HS6ST2: variants seen among roughly 807,000 people sequenced by gnomAD.
HS6ST2 encodes heparan-sulfate 6-O-sulfotransferase 2.
A neutral mutation model predicts 33.0 loss-of-function variants in HS6ST2; 17 were observed. The ratio of observed to expected loss-of-function variants is 0.52; its 90% confidence interval spans 0.35 to 0.77. The LOEUF is 0.77. Among genes scored for constraint, HS6ST2 ranks in the 30% least tolerant of loss-of-function variants. HS6ST2 has a pLI of 0.01. For synonymous variants in HS6ST2, 248 were observed against 237.1 expected, an observed-to-expected ratio of 1.05 and a Z score of -0.42; for missense variants, 519 against 551.7, an observed-to-expected ratio of 0.94 and a Z score of 0.59.
chrX:132,655,997 C>T (rs950779211), intron 4 of HS6ST2, among the ~76,000 whole-genome samples: 2 of 111,409 alleles, frequency 1.8e-5, no homozygotes, highest in Non-Finnish European at 3.8e-5. Flanking sequence ...GGTTTCATTA[C>T]AGCCTAGCAC....
rs778212829 is a variant in HS6ST2 at position 132,791,516 on chromosome X, T to C, written c.948-83022A>G. Among the ~76,000 whole-genome samples the C allele has an allele frequency of 4.5e-5, 5 of 112,227 alleles. No homozygotes were observed. The Middle Eastern group carries it at 0.018, about 414-fold the overall frequency. On this transcript the variant is annotated intron_variant, in intron 2 of 4. Transcript: ENST00000370833. ...AAAAGATATCTATGTCCATCAACAATGGTTAGAAATCACTATCCAATTTAT... is the reference window on the plus strand; with the variant it reads ...AAAAGATATCTATGTCCATCAACAACGGTTAGAAATCACTATCCAATTTAT...
intron 2 of HS6ST2, among the ~76,000 whole-genome samples, chrX:132,766,697 T>C (rs2064851083): frequency 8.9e-6 from 1 of 111,850 alleles, no homozygotes; most frequent in Non-Finnish European, 1.9e-5. Context: ...TGGTTGCATT[T>C]TCATACCACC....
At position 132,697,284 on chromosome X, in the gene HS6ST2, T is replaced by C. The variant is rs751788962; in HGVS notation, c.980+11178A>G. Among the ~76,000 whole-genome samples, 5 of 111,862 alleles carry C rather than the reference T, an allele frequency of 4.5e-5. No individual in the cohort carries two copies. In the Admixed American group the frequency reaches 4.8e-4, roughly 11 times the overall value. ...CTACATTAATCCTCTGTTCAGTGTC[T>C]ATTTAGTGTCTTATGCAAACAGTCA... is the stretch of plus-strand genomic sequence containing the variant. On this transcript the variant is annotated intron_variant, in intron 3 of 4. Coordinates refer to ENST00000370833, the MANE Select transcript of HS6ST2 (RefSeq NM_001394073.1).
At chrX:132,926,189 G>C (rs1047348194) in intron 2 of HS6ST2, among the ~76,000 whole-genome samples, 19 of 112,753 alleles carry the variant, frequency 1.7e-4, no homozygotes, top group African/African-American at 5.5e-4. Context: ...CGTTTTTGGA[G>C]AGCTGTATAT....
intron 2 of HS6ST2, among the ~76,000 whole-genome samples, chrX:132,811,706 ATATATATATATATATAT>A (rs2065347202): frequency 1.1e-5 from 1 of 87,734 alleles, no homozygotes; most frequent in Non-Finnish European, 2.2e-5. Flanking sequence ...ATATATATAT[ATATATATATATATATAT>A]ATCACATTTT....
intron 2 of HS6ST2, among the ~76,000 whole-genome samples, chrX:132,899,278 A>G (rs1290014660): frequency 8.9e-6 from 1 of 112,245 alleles, no homozygotes; most frequent in African/African-American, 3.2e-5. Context: ...TTAGAAAGAT[A>G]CAACTCTTAA....
At chrX:132,723,912 G>A (rs1340578015) in intron 2 of HS6ST2, among the ~76,000 whole-genome samples, 13 of 111,252 alleles carry the variant, frequency 1.2e-4, no homozygotes, top group African/African-American at 1.6e-4. Context: ...CGAGGCAGGC[G>A]GATCACAAGG....
At chrX:132,958,008 GGCGTGGGCAAATGCGCGCCGCACCC>G (rs1290110801) in intron 1 of HS6ST2, among the ~76,000 whole-genome samples, 142 bp downstream of exon 1, 6 of 111,653 alleles carry the variant, frequency 5.4e-5, no homozygotes, top group African/African-American at 2.0e-4. Flanking sequence ...ACGGAGCCGC[GGCGTGGGCAAATGCGCGCCGCACCC>G]CTCCGGAGAC....
At chrX:132,823,282 T>G (rs1192804234) in intron 2 of HS6ST2, among the ~76,000 whole-genome samples, 1 of 111,724 alleles carries the variant, frequency 9.0e-6, no homozygotes, top group African/African-American at 3.3e-5. Context: ...TTTAATTTTT[T>G]TATTTCAATA....
chrX:132,858,565 G>T (rs1207156726), intron 2 of HS6ST2, among the ~76,000 whole-genome samples: 2 of 111,813 alleles, frequency 1.8e-5, no homozygotes, highest in African/African-American at 3.2e-5. Context: ...CACGGTATGT[G>T]ATGGCACCTA....
intron 2 of HS6ST2, among the ~76,000 whole-genome samples, chrX:132,822,391 C>T (rs1199644739): frequency 9.0e-6 from 1 of 111,288 alleles, no homozygotes; most frequent in Non-Finnish European, 1.9e-5. Context: ...CTCAGGCTTG[C>T]ACTGAGGAGC....
At chrX:132,797,705 G>C (rs1168041831) in intron 2 of HS6ST2, among the ~76,000 whole-genome samples, 1 of 110,784 alleles carries the variant, frequency 9.0e-6, no homozygotes, top group African/African-American at 3.3e-5. Flanking sequence ...TCTAGAAACA[G>C]TGACAAGAAA....
intron 2 of HS6ST2, among the ~76,000 whole-genome samples, chrX:132,792,581 C>T (rs1485084820): frequency 1.8e-5 from 2 of 111,983 alleles, no homozygotes; most frequent in African/African-American, 6.5e-5. Context: ...AGTCATGCAA[C>T]CATTGCCATA....
At chrX:132,796,208 C>T (rs2065177448) in intron 2 of HS6ST2, among the ~76,000 whole-genome samples, 1 of 112,122 alleles carries the variant, frequency 8.9e-6, no homozygotes, top group Non-Finnish European at 1.9e-5. Context: ...CTCCAAGTTT[C>T]CCCTCTGCTC....
chrX:132,769,865 C>T (rs2064880739), intron 2 of HS6ST2, among the ~76,000 whole-genome samples: 1 of 112,032 alleles, frequency 8.9e-6, no homozygotes, highest in Admixed American at 9.5e-5. Flanking sequence ...TCTGCAGCAA[C>T]CCATGCCGAG....
intron 2 of HS6ST2, among the ~76,000 whole-genome samples, chrX:132,770,822 C>T (rs2148320616): frequency 9.0e-6 from 1 of 110,770 alleles, no homozygotes; most frequent in East Asian, 2.8e-4. Context: ...CAACACAAGC[C>T]ATAAAAATGT....
chrX:132,821,338 A>G (rs961735598), intron 2 of HS6ST2, among the ~76,000 whole-genome samples: 1 of 107,134 alleles, frequency 9.3e-6, no homozygotes, highest in African/African-American at 3.4e-5. Flanking sequence ...TCAGCCTCAC[A>G]AGTAGCTGGG....
At chrX:132,792,605 C>T (rs1479664876) in intron 2 of HS6ST2, among the ~76,000 whole-genome samples, 2 of 111,900 alleles carry the variant, frequency 1.8e-5, no homozygotes, top group African/African-American at 6.5e-5. Context: ...AATTTAAGAA[C>T]ATTTTTAACA....
chrX:132,713,644 G>C (rs1179208444), intron 2 of HS6ST2, among the ~76,000 whole-genome samples: 1 of 111,315 alleles, frequency 9.0e-6, no homozygotes, highest in Non-Finnish European at 1.9e-5. Flanking sequence ...CCTTATGTTT[G>C]GCATGAGAAT....
Sources: gnomAD v4.1 joint callset for allele counts (sites outside exome capture counted in the v4.1 genomes callset) on GRCh38, gnomAD v4.1.1 for gene constraint, MANE v1.5 for transcripts, NCBI Gene and HGNC (gene_info 2026-07-23, HGNC 2026-07-21) for gene names.